Variants in PITPNC1 observed in about 807,000 individuals in gnomAD.
PITPNC1 encodes cytoplasmic phosphatidylinositol transfer protein 1.
Under a neutral mutation model 44.7 loss-of-function variants are expected in PITPNC1, and 18 were observed. That is an observed-to-expected ratio of 0.40 (90% CI 0.28 to 0.60). The LOEUF (loss-of-function observed/expected upper bound fraction) is 0.60. PITPNC1 is among the 20% of genes least tolerant of loss of function. PITPNC1 has a pLI of 0.39. For missense variants in PITPNC1, 290 were observed against 418.4 expected, an observed-to-expected ratio of 0.69 and a Z score of 2.68; for synonymous variants, 141 against 149.6, an observed-to-expected ratio of 0.94 and a Z score of 0.42.
chr17:67,513,317 C>CA (rs1397622222), intron 1 of PITPNC1, among the ~76,000 whole-genome samples: 1 of 151,258 alleles, frequency 6.6e-6, no homozygotes, highest in Non-Finnish European at 1.5e-5. Context: ...GAGATCCCAC[C>CA]ACTGCACTCC....
intron 1 of PITPNC1, among the ~76,000 whole-genome samples, chr17:67,433,350 A>C (rs2038885076): frequency 6.6e-6 from 1 of 152,186 alleles, no homozygotes; most frequent in Non-Finnish European, 1.5e-5. Flanking sequence ...AAGGCTGTGG[A>C]ACCGGAGTCT....
intron 1 of PITPNC1, among the ~76,000 whole-genome samples, chr17:67,383,906 G>A (rs977813175): frequency 2.6e-5 from 4 of 151,872 alleles, no homozygotes; most frequent in African/African-American, 4.8e-5. Flanking sequence ...GCGTGGTGGC[G>A]CATGCCTGTA....
In PITPNC1 at chr17:67,511,694, A is replaced by C. The variant is rs369054186; in HGVS notation, c.49-21108A>C. 9.6e-4 allele frequency among the ~76,000 whole-genome samples: 146 copies of C among 152,196 alleles called. 3 individuals are homozygous for C. In the South Asian group the frequency reaches 0.027, roughly 28 times the overall value. Reference sequence around the variant, plus strand: ...CAGCTAATTTTTGTATTTTTAGTAGAGATGAGGTTTCAGCATGTTGGCCAA... The same window carrying C: ...CAGCTAATTTTTGTATTTTTAGTAGCGATGAGGTTTCAGCATGTTGGCCAA... On this transcript the variant is annotated intron_variant, in intron 1 of 8. Transcript: ENST00000581322.
At chr17:67,556,899 C>G (rs1001586890) in intron 4 of PITPNC1, among the ~76,000 whole-genome samples, 6 of 152,138 alleles carry the variant, frequency 3.9e-5, no homozygotes, top group Admixed American at 2.6e-4. Flanking sequence ...AGTGTTAGAG[C>G]TGAAGTGCAG....
chr17:67,543,713 T>C (rs1042261288), intron 2 of PITPNC1, among the ~76,000 whole-genome samples: 1 of 152,212 alleles, frequency 6.6e-6, no homozygotes, highest in African/African-American at 2.4e-5. Flanking sequence ...TTCCCAGAGA[T>C]TGTGGGGTTG....
intron 5 of PITPNC1, among the ~76,000 whole-genome samples, chr17:67,579,064 G>A (rs1332220418): frequency 2.0e-5 from 3 of 152,236 alleles, no homozygotes; most frequent in Non-Finnish European, 2.9e-5. Context: ...CACATGCGGT[G>A]TATGTATACA....
At chr17:67,686,157 A>C (rs1443069297) in intron 8 of PITPNC1, among the ~76,000 whole-genome samples, 1 of 151,244 alleles carries the variant, frequency 6.6e-6, no homozygotes, top group African/African-American at 2.4e-5. Flanking sequence ...TTGGATTAAG[A>C]CAGGGTTTCT....
chr17:67,691,876 G>T (rs2042933369), intron 8 of PITPNC1, among the ~76,000 whole-genome samples: 1 of 152,018 alleles, frequency 6.6e-6, no homozygotes, highest in African/African-American at 2.4e-5. Flanking sequence ...AGGCATTATG[G>T]CATGCACCTG....
At chr17:67,475,250 G>C (rs952617040) in intron 1 of PITPNC1, among the ~76,000 whole-genome samples, 1 of 152,200 alleles carries the variant, frequency 6.6e-6, no homozygotes, top group African/African-American at 2.4e-5. Flanking sequence ...TGTGTGGGCC[G>C]TGGGAAGCAA....
chr17:67,383,650 CTTGTTAG>C (rs1358455150), intron 1 of PITPNC1, among the ~76,000 whole-genome samples: 1 of 152,226 alleles, frequency 6.6e-6, no homozygotes, highest in African/African-American at 2.4e-5. Flanking sequence ...CACAGAGGTA[CTTGTTAG>C]TAAAATGAGC....
chr17:67,692,664 TC>T lies in PITPNC1; in HGVS notation c.777del (p.Ser260AlafsTer56). 1 of 1,613,704 alleles carries T rather than the reference TC, an allele frequency of 6.2e-7. No homozygotes were observed. The highest frequency in any genetic ancestry group is 8.5e-7 in the Non-Finnish European group (1 of 1,179,656). On this transcript the variant is annotated frameshift_variant, in exon 9 of 9. Coordinates refer to ENST00000581322, the MANE Select transcript of PITPNC1 (RefSeq NM_012417.4). LOFTEE classifies it high-confidence loss of function. ...IGIFPPAISI[S>X]SIPLLPSSVR... ...CATTTTCCCACCTGCAATTTCTATC[TC>T]CAGCATCCCCCTGCTGCCTTCTTCC...
intron 6 of PITPNC1, among the ~76,000 whole-genome samples, chr17:67,651,634 A>G (rs1292884328): frequency 1.3e-5 from 2 of 152,162 alleles, no homozygotes; most frequent in Non-Finnish European, 2.9e-5. Context: ...ACCACAATCA[A>G]ATGTAAAACA....
chr17:67,384,151 C>G (rs1223935035), intron 1 of PITPNC1, among the ~76,000 whole-genome samples: 1 of 152,104 alleles, frequency 6.6e-6, no homozygotes, highest in Non-Finnish European at 1.5e-5. Context: ...TTTGTGGTCT[C>G]TAGGGATATG....
chr17:67,429,116 C>T (rs1353458741), intron 1 of PITPNC1, among the ~76,000 whole-genome samples: 3 of 152,128 alleles, frequency 2.0e-5, no homozygotes, highest in East Asian at 1.9e-4. Context: ...GCTGGGATTA[C>T]AGGCATGAGC....
At chr17:67,410,998 C>T (rs2038487519) in intron 1 of PITPNC1, among the ~76,000 whole-genome samples, 1 of 150,938 alleles carries the variant, frequency 6.6e-6, no homozygotes, top group Non-Finnish European at 1.5e-5. Context: ...CAGAGAACTA[C>T]TTGAACTCGG....
intron 6 of PITPNC1, among the ~76,000 whole-genome samples, chr17:67,646,408 A>G (rs957091388): frequency 2.0e-5 from 3 of 152,220 alleles, no homozygotes; most frequent in Non-Finnish European, 4.4e-5. Context: ...TTTATTATTA[A>G]GAGGCCCAGA....
chr17:67,466,881 C>A (rs1466670526), intron 1 of PITPNC1, among the ~76,000 whole-genome samples: 2 of 152,120 alleles, frequency 1.3e-5, no homozygotes, highest in South Asian at 2.1e-4. Context: ...TCTTCCCCCC[C>A]AAATCCAGCA....
At chr17:67,575,549 C>T (rs1304562951) in intron 4 of PITPNC1, among the ~76,000 whole-genome samples, 4 of 152,236 alleles carry the variant, frequency 2.6e-5, no homozygotes, top group South Asian at 2.1e-4. Flanking sequence ...ATCGATGGCA[C>T]GTCCCAGGCC....
chr17:67,463,184 CTTATAA>C (rs1307436651), intron 1 of PITPNC1, among the ~76,000 whole-genome samples: 3 of 37,096 alleles, frequency 8.1e-5, no homozygotes, highest in East Asian at 5.1e-4. Flanking sequence ...GTAATTCAGA[CTTATAA>C]ATACTTCTGC....
Sources: allele counts gnomAD v4.1 joint callset (sites outside exome capture counted in the v4.1 genomes callset), GRCh38; gene constraint gnomAD v4.1.1; transcripts MANE v1.5; gene names NCBI Gene and HGNC (gene_info 2026-07-23, HGNC 2026-07-21).